DOT1L: variants seen among roughly 807,000 people sequenced by gnomAD.
The protein encoded by DOT1L is DOT1 like histone lysine methyltransferase.
Under a neutral mutation model 153.3 loss-of-function variants are expected in DOT1L, and 33 were observed. The ratio of observed to expected loss-of-function variants is 0.22; its 90% CI spans 0.16 to 0.29. DOT1L has a LOEUF of 0.29. Ranked by LOEUF, DOT1L falls within the 10% of genes least tolerant of loss-of-function variation. The probability of loss-of-function intolerance (pLI) is 1.00; values close to 1 mark genes in which losing one functional copy is unlikely to be tolerated. For synonymous variants in DOT1L, 1,135 were observed against 965.1 expected (o/e 1.18, Z -3.26); for missense variants, 1,847 against 2,119.9 (o/e 0.87, Z 2.53).
At chr19:2,186,533 G>A (rs1352136489) in intron 3 of DOT1L, among the ~76,000 whole-genome samples, 1 of 152,190 alleles carries the variant, frequency 6.6e-6, no homozygotes, top group African/African-American at 2.4e-5. Flanking sequence ...CTCCATCAAG[G>A]GCTGTGCTGT....
At chr19:2,184,832 G>A (rs1400026001) in intron 2 of DOT1L, among the ~76,000 whole-genome samples, 1 of 152,190 alleles carries the variant, frequency 6.6e-6, no homozygotes, top group Non-Finnish European at 1.5e-5. Context: ...TCCTCCCCAG[G>A]AGGTGCTGTG....
rs983065518 is a variant in DOT1L at position 2,226,743 on chromosome 19, G to A, written c.4222G>A (p.Gly1408Ser). ...GPTDKTPLLS[G>S]KAAKARDREV... ...CACGGACAAGACCCCACTGCTGAGCGGCAAGGCCGCCAAGGCCCGGGACCG... is the reference window on the plus strand; with the variant it reads ...CACGGACAAGACCCCACTGCTGAGCAGCAAGGCCGCCAAGGCCCGGGACCG... Residue 1408 changes from glycine to serine, a missense_variant, in exon 27 of 28, where the codon GGC becomes AGC. This residue lies in a region of DOT1L where 934 missense variants were observed against 825.3 expected (regional missense o/e 1.13). Coordinates refer to ENST00000398665, the MANE Select transcript of DOT1L (RefSeq NM_032482.3). 1.8e-5 allele frequency: 28 copies of A among 1,557,904 alleles called. No individual in the cohort carries two copies. In the Admixed American group the frequency reaches 3.1e-4, roughly 17 times the overall value.
Position 2,222,327 on chromosome 19 carries a change from C to G in DOT1L, c.3158C>G (p.Ala1053Gly). ...ATTGTGTTCACCATCACCACTGGTG[C>G]GGGCAGTGCCAAGCAGTCGCCCTCC... is the stretch of plus-strand genomic sequence containing the variant. ...RRIVFTITTG[A>G]GSAKQSPSSK... The change falls in exon 24 of 28, where the codon GCG becomes GGG. Residue 1053 changes from alanine (A) to glycine (G), a missense_variant. Ala to Gly is a moderately conservative substitution (Grantham distance 60). This residue lies in a region of DOT1L where 934 missense variants were observed against 825.3 expected (regional missense o/e 1.13). Transcript: ENST00000398665. The surrounding 1 kb of genome is among the most constrained non-coding windows in gnomAD (Gnocchi z 6.5). The G allele has an allele frequency of 1.2e-6, 2 of 1,612,918 alleles. No individual in the cohort carries two copies. Among genetic ancestry groups the G allele is most frequent in the South Asian group, 1.1e-5 (1 of 91,078 alleles).
At chr19:2,219,283 CA>C (rs1368995958) in intron 22 of DOT1L, among the ~76,000 whole-genome samples, 1 of 152,220 alleles carries the variant, frequency 6.6e-6, no homozygotes, top group African/African-American at 2.4e-5. Context: ...GCTGGGATTC[CA>C]AGTGTCAGCC....
intron 1 of DOT1L, among the ~76,000 whole-genome samples, chr19:2,165,567 A>G (rs1265091355): frequency 1.3e-5 from 2 of 152,244 alleles, no homozygotes; most frequent in Non-Finnish European, 2.9e-5. Context: ...CTGAAAGCAG[A>G]GGCCGCGCTT....
Position 2,227,145 on chromosome 19 carries a change from C to T in DOT1L, c.4606+18C>T, listed in dbSNP as rs1165753569. 1 of 1,554,146 alleles carries T rather than the reference C, an allele frequency of 6.4e-7. No homozygotes were observed. Among genetic ancestry groups the T allele is most frequent in the South Asian group, 1.2e-5 (1 of 85,176 alleles). ...AGTTGGAGGTAGGCAGGGCGGCCGT[C>T]CGTCCGCCCCCCGCCCCGGCCCCCG... On this transcript the variant is annotated intron_variant, in intron 27 of 27. Transcript: ENST00000398665.
chr19:2,200,693 CCCTCGTCCTCCCCACATT>C (rs1400685469), intron 8 of DOT1L, among the ~76,000 whole-genome samples: 2 of 152,054 alleles, frequency 1.3e-5, no homozygotes, highest in South Asian at 2.1e-4. Context: ...CTCTCTGCGC[CCCTCGTCCTCCCCACATT>C]CCTCGTCCTC....
intron 9 of DOT1L, among the ~76,000 whole-genome samples, 181 bp downstream of exon 9, chr19:2,202,960 C>T (rs2023350069): frequency 6.6e-6 from 1 of 152,164 alleles, no homozygotes. Flanking sequence ...TTTCCTCTGT[C>T]ACCCAGGCTG....
chr19:2,205,992 G>A lies in DOT1L; in HGVS notation c.788-737G>A, dbSNP rs770575185. ...GGCGTGAGCCTGTGCGCCTGGCAGC[G>A]TAGTGGGTTTTTTTTTTCTTTTGAG... On this transcript the variant is annotated intron_variant, in intron 9 of 27. Transcript: ENST00000398665. 1.1e-4 allele frequency among the ~76,000 whole-genome samples: 17 copies of A among 151,290 alleles called. 1 individual carries two copies. The highest frequency in any genetic ancestry group is 8.5e-4 in the Admixed American group (13 of 15,208).
At chr19:2,175,680 A>G (rs182645360) in intron 1 of DOT1L, among the ~76,000 whole-genome samples, 107 of 152,212 alleles carry the variant, frequency 7.0e-4, no homozygotes, top group African/African-American at 2.4e-3. Context: ...AATACAAAAA[A>G]TTAGCCAGGC....
rs1347944291 is a variant in DOT1L, at chr19:2,217,132, A to G, written c.2544+42A>G. The G allele has an allele frequency of 2.0e-6, 3 of 1,534,532 alleles. No homozygotes were observed. Among genetic ancestry groups the G allele is most frequent in the Non-Finnish European group, 2.6e-6 (3 of 1,141,720 alleles). On this transcript the variant is annotated intron_variant, in intron 21 of 27. Transcript: ENST00000398665. The surrounding 1 kb of genome is among the most constrained non-coding windows in gnomAD (Gnocchi z 7.3). ...CTGCCCCGGGCTCAGGGAGGTGCTC[A>G]GCAGAGGCGGCCTGAGCGAGTTGCT...
rs1463200390 is a variant in DOT1L at position 2,232,395 on chromosome 19, C to G, written c.*2603C>G. ...CAGACCCCCCTCCCAACACAACACG[C>G]TGCTGGTCTGTGTCAGCCTTTGTAA... On this transcript the variant is annotated 3_prime_UTR_variant, in exon 28 of 28. Coordinates refer to ENST00000398665, the MANE Select transcript of DOT1L (RefSeq NM_032482.3). 4.6e-6 allele frequency: 1 copy of G among 219,418 alleles called. No homozygotes were observed. The highest frequency in any genetic ancestry group is 2.3e-5 in the African/African-American group (1 of 44,228). 13.6% of individuals were successfully genotyped at this position (219,418 alleles called of 1,614,324 possible). A position where few individuals can be genotyped will look rare whatever the true frequency, so the allele number is the denominator to read the frequency against.
intron 2 of DOT1L, among the ~76,000 whole-genome samples, chr19:2,181,787 C>G (rs1462611202): frequency 1.3e-5 from 2 of 152,046 alleles, no homozygotes; most frequent in Admixed American, 1.3e-4. Context: ...CAGCCCCAGC[C>G]CCAGCCCCAG....
chr19:2,186,031 A>G (rs1330815898), intron 3 of DOT1L, 102 bp downstream of exon 3: 3 of 1,117,530 alleles, frequency 2.7e-6, no homozygotes, highest in East Asian at 2.4e-5. Flanking sequence ...AGATGGTGCA[A>G]GCTGATCTGA....
chr19:2,191,292 C>T lies in DOT1L; in HGVS notation c.493+52C>T, dbSNP rs376930276. On this transcript the variant is annotated intron_variant, in intron 5 of 27. Transcript: ENST00000398665. This position sits in a 1 kb window ranked among gnomAD's most constrained non-coding sequence, Gnocchi z 6.8. ...CCTGTGCACTTCCAGGCCACACGCT[C>T]TGTGCCTGCCCCATGCCTGCTTGGA... The T allele has an allele frequency of 5.2e-6, 8 of 1,552,514 alleles. No individual in the cohort carries two copies. The highest frequency in any genetic ancestry group is 1.4e-5 in the African/African-American group (1 of 73,680).
intron 1 of DOT1L, among the ~76,000 whole-genome samples, chr19:2,179,486 TA>T (rs923629892): frequency 1.7e-4 from 26 of 151,784 alleles, no homozygotes; most frequent in Middle Eastern, 3.4e-3. Flanking sequence ...ATTGGGGATT[TA>T]AAAAAAAATT....
rs549432617 is a variant in DOT1L at position 2,226,982 on chromosome 19, C to T, written c.4461C>T (p.Ser1487=). Residue 1487 remains serine (S), a synonymous_variant, in exon 27 of 28, where the codon TCC becomes TCT. Transcript: ENST00000398665. The part of the protein sequence containing the change: ...GPMSLQANLG[S]VAGSSVLQSL... ...TGTCCCTGCAGGCCAACCTCGGCTC[C>T]GTGGCCGGCTCCTCCGTGCTGCAGT... The T allele has an allele frequency of 1.6e-4, 260 of 1,591,804 alleles. 2 individuals carry two copies. In the South Asian group the frequency reaches 2.5e-3, roughly 15 times the overall value.
Position 2,217,582 on chromosome 19 carries a change from G to A in DOT1L, c.2545-190G>A, listed in dbSNP as rs559787016. On this transcript the variant is annotated intron_variant, in intron 21 of 27. Coordinates refer to ENST00000398665, the MANE Select transcript of DOT1L (RefSeq NM_032482.3). The surrounding 1 kb of genome is among the most constrained non-coding windows in gnomAD (Gnocchi z 7.3). Reference sequence around the variant, plus strand: ...GGCATTGCTTTCAGACACCAGGAGCGTGCCGTCCCTCTGGAGTGTCCCAAA... The same window carrying A: ...GGCATTGCTTTCAGACACCAGGAGCATGCCGTCCCTCTGGAGTGTCCCAAA... Among the ~76,000 whole-genome samples, 34 of 152,220 alleles carry A rather than the reference G, an allele frequency of 2.2e-4. No individual in the cohort carries two copies. The highest frequency in any genetic ancestry group is 7.0e-4 in the African/African-American group (29 of 41,538).
chr19:2,177,927 T>G (rs1351895061), intron 1 of DOT1L, among the ~76,000 whole-genome samples: 4 of 43,844 alleles, frequency 9.1e-5, no homozygotes, highest in African/African-American at 3.3e-4. Flanking sequence ...CACCTAGCAA[T>G]TTTTTTTTTT....
Sources: allele counts gnomAD v4.1 joint callset (sites outside exome capture counted in the v4.1 genomes callset), GRCh38; gene constraint gnomAD v4.1.1; regional missense constraint gnomAD v4.1.1; non-coding constraint Gnocchi (gnomAD v3.1); transcripts MANE v1.5; gene names NCBI Gene and HGNC (gene_info 2026-07-23, HGNC 2026-07-21).